SENP2: variants seen among roughly 807,000 people sequenced by gnomAD.
SENP2 encodes sentrin-specific protease 2.
Under a neutral mutation model 86.3 loss-of-function variants are expected in SENP2, and 16 were observed. That is an observed-to-expected ratio of 0.19 (90% CI 0.13 to 0.28). SENP2 has a LOEUF of 0.28. SENP2 is among the 10% of genes least tolerant of loss of function. SENP2 has a pLI of 1.00. For missense variants in SENP2, 552 were observed against 703.0 expected (o/e 0.79, Z 2.43); for synonymous variants, 222 against 238.7 (o/e 0.93, Z 0.64).
At chr3:185,626,540 AGGC>A (rs1712153987) in intron 16 of SENP2, 147 bp downstream of exon 16, 1 of 538,896 alleles carries the variant, frequency 1.9e-6, no homozygotes, top group Non-Finnish European at 3.3e-6. Context: ...TGGGAGGCCG[AGGC>A]GGGTGGACCA....
At chr3:185,627,588 T>G (rs1712211010) in intron 16 of SENP2, among the ~76,000 whole-genome samples, 1 of 152,212 alleles carries the variant, frequency 6.6e-6, no homozygotes, top group African/African-American at 2.4e-5. Flanking sequence ...AATTTTTGTA[T>G]TTTTAGCAGA....
intron 11 of SENP2, 75 bp from the exon 12 acceptor site, chr3:185,617,405 C>A: frequency 7.5e-7 from 1 of 1,341,064 alleles, no homozygotes; most frequent in Non-Finnish European, 1.0e-6. Flanking sequence ...AAACTTTTTT[C>A]AGTCTCGGAG....
At chr3:185,621,190 G>A (rs1444077170) in intron 13 of SENP2, among the ~76,000 whole-genome samples, 143 of 54,000 alleles carry the variant, frequency 2.6e-3, no homozygotes, top group South Asian at 5.2e-3. Flanking sequence ...GAGAGAGAAA[G>A]AAAGAAAAGA....
chr3:185,590,441 G>A (rs1006516071), intron 2 of SENP2, among the ~76,000 whole-genome samples: 5 of 151,822 alleles, frequency 3.3e-5, no homozygotes, highest in Admixed American at 1.3e-4. Flanking sequence ...CCAGCTACTC[G>A]GGAGGCTGAG....
Position 185,617,936 on chromosome 3 carries a change from T to G in SENP2, c.1242+325T>G, listed in dbSNP as rs144458538. ...TGAATTCTTATAGTAGCTATTTTTT[T>G]GTTTTTGTTTTTTGGTTTTGTTTTT... On this transcript the variant is annotated intron_variant, in intron 12 of 16. Coordinates refer to ENST00000296257, the MANE Select transcript of SENP2 (RefSeq NM_021627.3). Among the ~76,000 whole-genome samples the G allele has an allele frequency of 5.4e-3, 816 of 152,230 alleles. 7 individuals carry two copies. Among genetic ancestry groups the G allele is most frequent in the African/African-American group, 0.019 (787 of 41,512 alleles).
rs1230000535 is a variant in SENP2, at chr3:185,586,453, C to T, written c.40C>T (p.Arg14Cys). 1.2e-6 allele frequency: 2 copies of T among 1,613,934 alleles called. No homozygotes were observed. The part of the protein sequence containing the change: ...WLVRILGTIF[R>C]FCDRSVPPAR... The stretch of plus-strand genomic sequence containing the variant: ...GGTTAGGATTCTCGGCACCATTTTC[C>T]GTTTCTGCGACCGGTCGGTGCCCCC... Residue 14 changes from arginine (R) to cysteine (C), a missense_variant, in exon 1 of 17, where the codon CGT (arginine) becomes TGT (cysteine). This residue lies in a region of SENP2 where 383 missense variants were observed against 427.3 expected (regional missense o/e 0.90). Coordinates refer to ENST00000296257, the MANE Select transcript of SENP2 (RefSeq NM_021627.3). This position sits in a 1 kb window ranked among gnomAD's most constrained non-coding sequence, Gnocchi z 4.3.
chr3:185,629,707 A>G (rs376906179), intron 16 of SENP2, 75 bp from the exon 17 acceptor site: 10 of 1,407,412 alleles, frequency 7.1e-6, no homozygotes, highest in Middle Eastern at 1.8e-4. Context: ...GCTTTATTAC[A>G]TGATTACACC....
intron 16 of SENP2, among the ~76,000 whole-genome samples, chr3:185,628,568 G>GC (rs1323803554): frequency 1.3e-5 from 2 of 152,154 alleles, no homozygotes; most frequent in African/African-American, 2.4e-5. Flanking sequence ...GTGCAATGGC[G>GC]CAATCTCAGC....
At chr3:185,600,022 C>T (rs1223191818) in intron 4 of SENP2, among the ~76,000 whole-genome samples, 1 of 152,120 alleles carries the variant, frequency 6.6e-6, no homozygotes, top group Non-Finnish European at 1.5e-5. Flanking sequence ...GTCTTGAACT[C>T]CCGACCTCAG....
At chr3:185,627,091 A>C (rs1428217183) in intron 16 of SENP2, among the ~76,000 whole-genome samples, 3 of 151,330 alleles carry the variant, frequency 2.0e-5, no homozygotes, top group African/African-American at 7.3e-5. Context: ...CTCAAAAAAA[A>C]AAAAAAAAAA....
intron 2 of SENP2, among the ~76,000 whole-genome samples, chr3:185,594,189 G>A (rs549327553): frequency 3.3e-5 from 5 of 150,632 alleles, no homozygotes; most frequent in African/African-American, 9.7e-5. Context: ...ACACACAAAC[G>A]TTGGTATTAC....
chr3:185,616,474 CAA>C (rs771658835), intron 11 of SENP2, among the ~76,000 whole-genome samples: 33 of 85,696 alleles, frequency 3.9e-4, no homozygotes, highest in Admixed American at 4.1e-4. Flanking sequence ...GAATCTGTCT[CAA>C]AAAAAAAAAA....
chr3:185,619,211 C>A, intron 12 of SENP2, 88 bp from the exon 13 acceptor site: 1 of 972,326 alleles, frequency 1.0e-6, no homozygotes, highest in Non-Finnish European at 1.6e-6. Flanking sequence ...TAGTACCTTA[C>A]CTTCGAATTC....
At chr3:185,603,491 T>C (rs913506841) in intron 5 of SENP2, among the ~76,000 whole-genome samples, 2 of 152,212 alleles carry the variant, frequency 1.3e-5, no homozygotes, top group Admixed American at 6.5e-5. Flanking sequence ...GAAAAATTGT[T>C]TCAGACTGAA....
intron 7 of SENP2, chr3:185,611,415 C>A: frequency 5.4e-6 from 2 of 372,292 alleles, no homozygotes; most frequent in East Asian, 8.8e-5. Context: ...GATTCAGAAC[C>A]TCTGATTTTA....
chr3:185,608,234 GGTT>G (rs1722580413), intron 6 of SENP2, among the ~76,000 whole-genome samples: 1 of 152,190 alleles, frequency 6.6e-6, no homozygotes, highest in African/African-American at 2.4e-5. Context: ...CCCTGAAAGG[GGTT>G]TTAAGATGAG....
At chr3:185,592,011 C>CTTTTTTTTTCTTTT (rs1722019245) in intron 2 of SENP2, among the ~76,000 whole-genome samples, 1 of 65,804 alleles carries the variant, frequency 1.5e-5, no homozygotes, top group Non-Finnish European at 2.7e-5. Flanking sequence ...GGTAATATTT[C>CTTTTTTTTTCTTTT]TTTTTTTTTT....
At chr3:185,622,076 G>C (rs1316628994) in intron 14 of SENP2, among the ~76,000 whole-genome samples, 171 bp downstream of exon 14, 1 of 152,166 alleles carries the variant, frequency 6.6e-6, no homozygotes, top group African/African-American at 2.4e-5. Flanking sequence ...AACGTGTTTA[G>C]TAGCATCACT....
chr3:185,625,705 G>A (rs1475653726), intron 15 of SENP2, among the ~76,000 whole-genome samples: 2 of 152,172 alleles, frequency 1.3e-5, no homozygotes, highest in Non-Finnish European at 2.9e-5. Flanking sequence ...AGCCTATCCA[G>A]AACTTCTCTC....
Sources: allele counts gnomAD v4.1 joint callset (sites outside exome capture counted in the v4.1 genomes callset), GRCh38; gene constraint gnomAD v4.1.1; regional missense constraint gnomAD v4.1.1; non-coding constraint Gnocchi (gnomAD v3.1); transcripts MANE v1.5; gene names NCBI Gene and HGNC (gene_info 2026-07-23, HGNC 2026-07-21).